The following ADGRB1 variants were observed in gnomAD, a reference collection of about 807,000 sequenced individuals.
The protein encoded by ADGRB1 is adhesion G protein-coupled receptor B1, also known as brain-specific angiogenesis inhibitor 1.
In ADGRB1, 36 loss-of-function variants were observed where a neutral mutation model predicts 175.7. That is an observed-to-expected ratio of 0.20 (90% confidence interval 0.16 to 0.27). ADGRB1 has a LOEUF of 0.27. ADGRB1 is among the 10% of genes least tolerant of loss of function. ADGRB1 has a pLI of 1.00. For missense variants in ADGRB1, 1,731 were observed against 2,255.3 expected (o/e 0.77, Z 4.71); for synonymous variants, 1,054 against 979.4 (o/e 1.08, Z -1.42).
intron 1 of ADGRB1, among the ~76,000 whole-genome samples, chr8:142,458,664 C>T (rs990330720): frequency 1.3e-5 from 2 of 152,136 alleles, no homozygotes; most frequent in Non-Finnish European, 2.9e-5. Flanking sequence ...TGGCACCCCC[C>T]GCCCTCCCTG....
intron 25 of ADGRB1, among the ~76,000 whole-genome samples, chr8:142,534,619 A>C (rs1563750052): frequency 6.6e-6 from 1 of 152,186 alleles, no homozygotes; most frequent in Non-Finnish European, 1.5e-5. Flanking sequence ...CGGCTCCTGT[A>C]CCAGTCAACC....
In ADGRB1 at chr8:142,511,823, A is replaced by C. The variant is rs143071779; in HGVS notation, c.2817+750A>C. Among the ~76,000 whole-genome samples the C allele has an allele frequency of 0.024, 3,588 of 152,188 alleles. 97 individuals are homozygous for C. Among genetic ancestry groups the C allele is most frequent in the African/African-American group, 0.06 (2,496 of 41,434 alleles). On this transcript the variant is annotated intron_variant, in intron 18 of 30. Transcript: ENST00000517894. This position sits in a 1 kb window ranked among gnomAD's most constrained non-coding sequence, Gnocchi z 4.5. Reference sequence around the variant, plus strand: ...TGGGGCCCAGGCCGAGGCCCAGGACAGCCCACAGAGCAGGAAAGGGCCTTG... The same window carrying C: ...TGGGGCCCAGGCCGAGGCCCAGGACCGCCCACAGAGCAGGAAAGGGCCTTG...
chr8:142,487,102 A>G (rs1205808964), intron 13 of ADGRB1, among the ~76,000 whole-genome samples: 1 of 152,190 alleles, frequency 6.6e-6, no homozygotes, highest in Non-Finnish European at 1.5e-5. Flanking sequence ...TACTACTTCA[A>G]TAATTCTGCC....
rs1053720645 is a variant in ADGRB1 at position 142,542,736 on chromosome 8, C to T, written c.4413+89C>T. The stretch of plus-strand genomic sequence containing the variant: ...CCCCTGCTGGGTGGGACCCCCACGC[C>T]GTCAGCGGGGCGGGCTGGCTCTGCC... On this transcript the variant is annotated intron_variant, in intron 28 of 30. Transcript: ENST00000517894. The surrounding 1 kb of genome is among the most constrained non-coding windows in gnomAD (Gnocchi z 6.3). 21 of 1,251,856 alleles carry T rather than the reference C, an allele frequency of 1.7e-5. No homozygotes were observed. The highest frequency in any genetic ancestry group is 7.9e-5 in the African/African-American group (5 of 63,046). 77.5% of individuals were successfully genotyped at this position (1,251,856 alleles called of 1,614,324 possible). A position where few individuals can be genotyped will look rare whatever the true frequency, so the allele number is the denominator to read the frequency against.
chr8:142,517,179 G>A (rs1256171382), intron 18 of ADGRB1, among the ~76,000 whole-genome samples: 2 of 152,188 alleles, frequency 1.3e-5, no homozygotes, highest in Non-Finnish European at 1.5e-5. Context: ...CTGGCCAGGG[G>A]CAGGGCCAGG....
At chr8:142,500,089 C>G (rs1415274413) in intron 17 of ADGRB1, among the ~76,000 whole-genome samples, 1 of 152,202 alleles carries the variant, frequency 6.6e-6, no homozygotes, top group East Asian at 1.9e-4. Flanking sequence ...CTGGGGCCCC[C>G]AGGGCTTCTC....
Position 142,490,761 on chromosome 8 carries a change from C to T in ADGRB1, c.2632-11C>T. 6.4e-7 allele frequency: 1 copy of T among 1,573,516 alleles called. No individual in the cohort carries two copies. The highest frequency in any genetic ancestry group is 2.3e-5 in the East Asian group (1 of 42,722). ...TGCCAGGGGCCCTGACTCCTCTCCCCTCTCTCCCAGGGCACCACCAACCAG... is the reference window on the plus strand; with the variant it reads ...TGCCAGGGGCCCTGACTCCTCTCCCTTCTCTCCCAGGGCACCACCAACCAG... On this transcript the variant is annotated splice_polypyrimidine_tract_variant and intron_variant, in intron 16 of 30. Transcript: ENST00000517894.
In ADGRB1 at chr8:142,471,298, C is replaced by T. The variant is rs141182048; in HGVS notation, c.785-4176C>T. 1.7e-3 allele frequency among the ~76,000 whole-genome samples: 262 copies of T among 152,328 alleles called. 1 individual carries two copies. The highest frequency in any genetic ancestry group is 5.9e-3 in the African/African-American group (247 of 41,582). On this transcript the variant is annotated intron_variant, in intron 2 of 30. Transcript: ENST00000517894. ...CTCCGCTCAGAGCCAGAACGCACCC[C>T]ACGCCCGCCTGGCTGCGAGAGAGGC...
chr8:142,512,571 G>A (rs1237321955), intron 18 of ADGRB1, among the ~76,000 whole-genome samples: 1 of 152,212 alleles, frequency 6.6e-6, no homozygotes, highest in Non-Finnish European at 1.5e-5. Context: ...CAGCAGGTCA[G>A]TGTTGGAGTC....
intron 17 of ADGRB1, among the ~76,000 whole-genome samples, chr8:142,502,582 GTCATCAC>G (rs1336173235): frequency 6.2e-3 from 5 of 812 alleles, no homozygotes; most frequent in Non-Finnish European, 0.015. Context: ...TGGTGGTTCA[GTCATCAC>G]TGTGGTTTTG....
Position 142,488,514 on chromosome 8 carries a change from G to A in ADGRB1, c.2452+7G>A. 6.2e-7 allele frequency: 1 copy of A among 1,611,196 alleles called. No individual in the cohort carries two copies. Among genetic ancestry groups the A allele is most frequent in the Non-Finnish European group, 8.5e-7 (1 of 1,178,710 alleles). ...TTCTCCACGGGGCTGACAGGTGAGG[G>A]GCCCAGGGAGTGGAGGGGGACCTTC... On this transcript the variant is annotated splice_region_variant and intron_variant, in intron 14 of 30. Coordinates refer to ENST00000517894, the MANE Select transcript of ADGRB1 (RefSeq NM_001702.3).
intron 17 of ADGRB1, among the ~76,000 whole-genome samples, chr8:142,507,653 G>A (rs544601934): frequency 1.8e-4 from 28 of 152,330 alleles, no homozygotes; most frequent in African/African-American, 6.0e-4. Flanking sequence ...AGACTGGCCA[G>A]TGCGGCTGGG....
intron 26 of ADGRB1, among the ~76,000 whole-genome samples, chr8:142,538,789 A>T (rs541632193): frequency 6.6e-6 from 1 of 151,982 alleles, no homozygotes; most frequent in South Asian, 2.1e-4. Context: ...ATCCCCCCCC[A>T]CCACCTCTCC....
intron 22 of ADGRB1, among the ~76,000 whole-genome samples, chr8:142,523,647 G>A (rs1202446006): frequency 6.6e-6 from 1 of 152,048 alleles, no homozygotes. Context: ...AGGATGAAGA[G>A]GAGTTTGTTT....
At chr8:142,539,577 G>T in intron 27 of ADGRB1, 164 bp downstream of exon 27, 1 of 820,832 alleles carries the variant, frequency 1.2e-6, no homozygotes, top group Non-Finnish European at 1.9e-6. Flanking sequence ...CAGGGGACCT[G>T]CCCTGGGGGC....
rs1365065708 is a variant in ADGRB1, at chr8:142,510,078, CGGAGGAGGAAGAGGAGGAGGT to C, written c.2676-841_2676-821del. Among the ~76,000 whole-genome samples the C allele has an allele frequency of 2.7e-5, 4 of 150,080 alleles. No individual in the cohort carries two copies. Among genetic ancestry groups the C allele is most frequent in the East Asian group, 2.0e-4 (1 of 5,060 alleles). On this transcript the variant is annotated intron_variant, in intron 17 of 30. Transcript: ENST00000517894. This position sits in a 1 kb window ranked among gnomAD's most constrained non-coding sequence, Gnocchi z 6.3. ...AAGCAGGAGGAGGAGGAAGAGGAGGCGGAGGAGGAAGAGGAGGAGGTGGAGGAGGAAGAACAGGAGGAGGAG... is the reference window on the plus strand; with the variant it reads ...AAGCAGGAGGAGGAGGAAGAGGAGGCGGAGGAGGAAGAACAGGAGGAGGAG...
At position 142,479,307 on chromosome 8, in the gene ADGRB1, T is replaced by C. The variant is rs757608911; in HGVS notation, c.1562-16T>C. 7 of 1,477,096 alleles carry C rather than the reference T, an allele frequency of 4.7e-6. No homozygotes were observed. The African/African-American group carries it at 8.6e-5, about 18-fold the overall frequency. The allele number at this position is 1,477,096 out of a possible 1,614,324, so 91.5% of individuals were successfully genotyped here. A position where few individuals can be genotyped will look rare whatever the true frequency, so the allele number is the denominator to read the frequency against. On this transcript the variant is annotated splice_polypyrimidine_tract_variant and intron_variant, in intron 7 of 30. Coordinates refer to ENST00000517894, the MANE Select transcript of ADGRB1 (RefSeq NM_001702.3). ...CTTCTTGTCGCCTGTGCCCTGTGTC[T>C]GGCCACGCCCCGCAGTGGATGGCAA...
At chr8:142,517,746 G>T (rs1384397246) in intron 18 of ADGRB1, among the ~76,000 whole-genome samples, 3 of 152,154 alleles carry the variant, frequency 2.0e-5, no homozygotes, top group Non-Finnish European at 4.4e-5. Context: ...TCGAAGCCTG[G>T]GCCCAAGAGG....
intron 24 of ADGRB1, among the ~76,000 whole-genome samples, chr8:142,529,207 TGTGA>T (rs962450565): frequency 1.3e-4 from 20 of 152,198 alleles, no homozygotes; most frequent in African/African-American, 4.8e-4. Flanking sequence ...TGTGCATGTG[TGTGA>T]GTGTGCATGC....
Sources: allele counts gnomAD v4.1 joint callset (sites outside exome capture counted in the v4.1 genomes callset), GRCh38; gene constraint gnomAD v4.1.1; non-coding constraint Gnocchi (gnomAD v3.1); transcripts MANE v1.5; gene names NCBI Gene and HGNC (gene_info 2026-07-23, HGNC 2026-07-21).